The following ASIC2 variants were observed in gnomAD, a reference collection of about 807,000 sequenced individuals.
ASIC2 encodes acid-sensing ion channel 2.
Under a neutral mutation model 57.3 loss-of-function variants are expected in ASIC2, and 25 were observed. The ratio of observed to expected loss-of-function variants is 0.44; its 90% CI spans 0.32 to 0.61. The LOEUF (loss-of-function observed/expected upper bound fraction) is 0.61, where lower values mean the gene tolerates loss of function less well. Ranked by LOEUF, ASIC2 falls within the 20% of genes least tolerant of loss-of-function variation. The probability of loss-of-function intolerance (pLI) is 0.06; values close to 1 mark genes in which losing one functional copy is unlikely to be tolerated. For synonymous variants in ASIC2, 319 were observed against 307.5 expected, an observed-to-expected ratio of 1.04 and a Z score of -0.39; for missense variants, 641 against 738.1, an observed-to-expected ratio of 0.87 and a Z score of 1.52.
chr17:33,472,071 G>C (rs1913071155), intron 1 of ASIC2, among the ~76,000 whole-genome samples: 1 of 150,418 alleles, frequency 6.6e-6, no homozygotes, highest in African/African-American at 2.4e-5. Context: ...CCAGGCTGGA[G>C]TGCAATGGCG....
chr17:33,842,227 C>T (rs906112437), intron 1 of ASIC2, among the ~76,000 whole-genome samples: 19 of 152,134 alleles, frequency 1.2e-4, no homozygotes, highest in African/African-American at 4.3e-4. Flanking sequence ...CTTCATTTAA[C>T]GCAAAACTCA....
intron 1 of ASIC2, among the ~76,000 whole-genome samples, chr17:33,499,231 G>A (rs1914031527): frequency 6.6e-6 from 1 of 152,258 alleles, no homozygotes; most frequent in Non-Finnish European, 1.5e-5. Flanking sequence ...CTGAAGCACA[G>A]GATTCAGGCC....
chr17:34,127,161 AT>A (rs1369657879), intron 1 of ASIC2, among the ~76,000 whole-genome samples: 1 of 152,194 alleles, frequency 6.6e-6, no homozygotes, highest in Non-Finnish European at 1.5e-5. Flanking sequence ...GTTTTTCGTT[AT>A]GAGTAAGTTT....
chr17:34,098,921 C>T (rs993055972), intron 1 of ASIC2, among the ~76,000 whole-genome samples: 7 of 151,768 alleles, frequency 4.6e-5, no homozygotes, highest in Admixed American at 6.6e-5. Flanking sequence ...TGTGATGCCC[C>T]GTGATACTGT....
intron 1 of ASIC2, among the ~76,000 whole-genome samples, chr17:33,367,968 T>G (rs188938316): frequency 1.4e-3 from 215 of 152,330 alleles, no homozygotes; most frequent in Middle Eastern, 3.4e-3. Context: ...AACTGACCAC[T>G]GTAGCATGAG....
intron 1 of ASIC2, among the ~76,000 whole-genome samples, chr17:33,330,180 C>T (rs1056654401): frequency 1.3e-5 from 2 of 152,190 alleles, no homozygotes; most frequent in African/African-American, 4.8e-5. Context: ...CAGTGCTGCT[C>T]ATTCTGAGGG....
At chr17:33,392,918 A>C (rs1404471008) in intron 1 of ASIC2, among the ~76,000 whole-genome samples, 1 of 152,104 alleles carries the variant, frequency 6.6e-6, no homozygotes, top group African/African-American at 2.4e-5. Context: ...GATGCATCTC[A>C]TTCCTTTAAT....
intron 1 of ASIC2, among the ~76,000 whole-genome samples, chr17:33,281,562 A>T (rs915618617): frequency 4.6e-5 from 7 of 152,252 alleles, no homozygotes; most frequent in Non-Finnish European, 1.0e-4. Context: ...AAACAGCCCT[A>T]CACGAAAAGT....
chr17:34,060,137 T>G (rs1340095458), intron 1 of ASIC2, among the ~76,000 whole-genome samples: 1 of 152,150 alleles, frequency 6.6e-6, no homozygotes, highest in Non-Finnish European at 1.5e-5. Context: ...GTATCCACAG[T>G]TGAGAGACCC....
chr17:33,084,663 A>T (rs2092127719), intron 3 of ASIC2, among the ~76,000 whole-genome samples: 1 of 152,240 alleles, frequency 6.6e-6, no homozygotes, highest in Non-Finnish European at 1.5e-5. Flanking sequence ...TCCCTACAGC[A>T]TAATGCCTGG....
At chr17:33,288,124 G>A (rs540784078) in intron 1 of ASIC2, among the ~76,000 whole-genome samples, 2 of 152,128 alleles carry the variant, frequency 1.3e-5, no homozygotes, top group African/African-American at 4.8e-5. Flanking sequence ...TCTGGAGGGG[G>A]AGACAGGCAC....
At chr17:33,680,907 G>A (rs1193522059) in intron 1 of ASIC2, 1 of 152,212 alleles carries the variant, frequency 6.6e-6, no homozygotes, top group African/African-American at 2.4e-5. Flanking sequence ...TTTTTAAGAA[G>A]GGCTCCCAAA....
chr17:33,483,451 G>A (rs1430801606), intron 1 of ASIC2, among the ~76,000 whole-genome samples: 1 of 152,224 alleles, frequency 6.6e-6, no homozygotes, highest in African/African-American at 2.4e-5. Flanking sequence ...ACAAAGAAGG[G>A]AAGGAGGAAG....
chr17:33,590,233 C>T (rs1904781208), intron 1 of ASIC2, among the ~76,000 whole-genome samples: 2 of 152,186 alleles, frequency 1.3e-5, no homozygotes, highest in East Asian at 1.9e-4. Flanking sequence ...CCCCTGCCTA[C>T]CTCACTGAGT....
At chr17:33,337,333 A>C (rs1013685527) in intron 1 of ASIC2, among the ~76,000 whole-genome samples, 1 of 152,214 alleles carries the variant, frequency 6.6e-6, no homozygotes, top group African/African-American at 2.4e-5. Context: ...ATTGATCCTC[A>C]CAAGGATCCT....
At chr17:33,942,558 C>T (rs190330354) in intron 1 of ASIC2, among the ~76,000 whole-genome samples, 7 of 152,064 alleles carry the variant, frequency 4.6e-5, no homozygotes, top group East Asian at 1.9e-4. Context: ...TGAGAGTGTG[C>T]GGGAGGCAGG....
intron 1 of ASIC2, among the ~76,000 whole-genome samples, chr17:33,859,635 C>G (rs993908326): frequency 6.6e-6 from 1 of 152,170 alleles, no homozygotes. Context: ...AGCGCTGGAG[C>G]TGGCAGTGAA....
chr17:33,351,455 A>G (rs1037536031), intron 1 of ASIC2, among the ~76,000 whole-genome samples: 4 of 152,176 alleles, frequency 2.6e-5, no homozygotes, highest in African/African-American at 9.6e-5. Flanking sequence ...GTTTCCCCAC[A>G]GGTCTAATGA....
In ASIC2 at chr17:34,083,255, G is replaced by A. The variant is rs1470867574; in HGVS notation, c.555+72723C>T. Among the ~76,000 whole-genome samples the A allele has an allele frequency of 6.8e-5, 10 of 147,628 alleles. No homozygotes were observed. In the East Asian group the frequency reaches 1.0e-3, roughly 15 times the overall value. ...TTCTCACTGTTCAATTCCCACCTATGAGTGAGAATATGCGGTGTTTGGTTT... is the reference window on the plus strand; with the variant it reads ...TTCTCACTGTTCAATTCCCACCTATAAGTGAGAATATGCGGTGTTTGGTTT... On this transcript the variant is annotated intron_variant, in intron 1 of 9. Transcript: ENST00000359872.
Sources: allele counts gnomAD v4.1 joint callset (sites outside exome capture counted in the v4.1 genomes callset), GRCh38; gene constraint gnomAD v4.1.1; transcripts MANE v1.5; gene names NCBI Gene and HGNC (gene_info 2026-07-23, HGNC 2026-07-21).